The following GRK2 variants were observed in gnomAD, a reference collection of about 807,000 sequenced individuals.
GRK2 encodes adrenergic beta receptor kinase 1.
In GRK2, 23 loss-of-function variants were observed where a neutral mutation model predicts 97.8. The observed-to-expected ratio is 0.24, with a 90% CI of 0.17 to 0.33. The LOEUF is 0.33. Ranked by LOEUF, GRK2 falls within the 10% of genes least tolerant of loss-of-function variation. The pLI, the probability that GRK2 is intolerant of heterozygous loss-of-function variation, is 1.00. For synonymous variants in GRK2, 425 were observed against 381.7 expected (o/e 1.11, Z -1.32); for missense variants, 633 against 956.9 (o/e 0.66, Z 4.47).
rs868080683 is a variant in GRK2 at position 67,282,802 on chromosome 11, G to A, written c.1211G>A (p.Arg404His). ...HKTKDKHEID[R>H]MTLTMAVELP... ...ACCAAAGACAAGCATGAGATCGACCGCATGACGCTGACGATGGTGGGTGCA... is the reference window on the plus strand; with the variant it reads ...ACCAAAGACAAGCATGAGATCGACCACATGACGCTGACGATGGTGGGTGCA... The change falls in exon 14 of 21, where the codon CGC becomes CAC. Residue 404 changes from arginine (R) to histidine (H), a missense_variant. Coordinates refer to ENST00000308595, the MANE Select transcript of GRK2 (RefSeq NM_001619.5). This position sits in a 1 kb window ranked among gnomAD's most constrained non-coding sequence, Gnocchi z 6.9. The A allele has an allele frequency of 5.0e-6, 8 of 1,609,670 alleles. No individual in the cohort carries two copies. Among genetic ancestry groups the A allele is most frequent in the African/African-American group, 2.7e-5 (2 of 74,918 alleles).
At chr11:67,270,656 C>A (rs368039475) in intron 1 of GRK2, among the ~76,000 whole-genome samples, 13 of 152,238 alleles carry the variant, frequency 8.5e-5, no homozygotes, top group African/African-American at 3.1e-4. Flanking sequence ...CTCCCAACTC[C>A]TTTCCCTGCA....
chr11:67,286,060 G>A lies in GRK2; in HGVS notation c.*610G>A. The A allele has an allele frequency of 3.3e-6, 1 of 304,686 alleles. No homozygotes were observed. The allele number at this position is 304,686 out of a possible 1,614,324, so 18.9% of individuals were successfully genotyped here. ...ACTGCGGGGCTTGGCTGAGAGAGTG[G>A]CATTGGCAGCAGGTGCTGCTACCCT... On this transcript the variant is annotated 3_prime_UTR_variant, in exon 21 of 21. Coordinates refer to ENST00000308595, the MANE Select transcript of GRK2 (RefSeq NM_001619.5).
intron 1 of GRK2, among the ~76,000 whole-genome samples, chr11:67,274,009 CTTTTTTTTTT>C (rs1186824487): frequency 7.9e-6 from 1 of 126,762 alleles, no homozygotes; most frequent in African/African-American, 3.0e-5. Flanking sequence ...AAACTGGCAC[CTTTTTTTTTT>C]TTTTTTTTTT....
At chr11:67,277,220 A>G (rs1188340270) in intron 1 of GRK2, 52 bp from the exon 2 acceptor site, 3 of 1,587,624 alleles carry the variant, frequency 1.9e-6, no homozygotes, top group South Asian at 1.1e-5. Context: ...CTGGGCCTGC[A>G]GCCCCCACGG....
In GRK2 at chr11:67,283,837, C is replaced by A; in HGVS notation, c.1396-17C>A. 6.2e-7 allele frequency: 1 copy of A among 1,612,724 alleles called. No individual in the cohort carries two copies. Among genetic ancestry groups the A allele is most frequent in the Non-Finnish European group, 8.5e-7 (1 of 1,179,450 alleles). On this transcript the variant is annotated splice_polypyrimidine_tract_variant and intron_variant, in intron 16 of 20. Coordinates refer to ENST00000308595, the MANE Select transcript of GRK2 (RefSeq NM_001619.5). ...CCCACCCCCGAGCTAATGCCCATGACCCCTGTTCTGCTGCAGTACCCTCCC... is the reference window on the plus strand; with the variant it reads ...CCCACCCCCGAGCTAATGCCCATGAACCCTGTTCTGCTGCAGTACCCTCCC...
At chr11:67,266,889 C>A in intron 1 of GRK2, 77 bp downstream of exon 1, 2 of 636,474 alleles carry the variant, frequency 3.1e-6, no homozygotes, top group Non-Finnish European at 4.3e-6. Context: ...TGGCCCCATG[C>A]TCGACCCCGC....
Position 67,279,709 on chromosome 11 carries a change from C to T in GRK2, c.441+9C>T. On this transcript the variant is annotated intron_variant, in intron 5 of 20. Coordinates refer to ENST00000308595, the MANE Select transcript of GRK2 (RefSeq NM_001619.5). ...CTCCGGATCTCTTCCAGGTGTGTGC[C>T]TCCCGGTCCCTCCCCAGGCAAGGTC... The T allele has an allele frequency of 6.2e-7, 1 of 1,613,680 alleles. No individual in the cohort carries two copies. Among genetic ancestry groups the T allele is most frequent in the Non-Finnish European group, 8.5e-7 (1 of 1,179,976 alleles).
chr11:67,278,626 C>T (rs930112896), intron 2 of GRK2, among the ~76,000 whole-genome samples: 4 of 152,240 alleles, frequency 2.6e-5, no homozygotes, highest in African/African-American at 9.6e-5. Flanking sequence ...TGGACCCACC[C>T]TCCCTGCCTG....
Position 67,282,255 on chromosome 11 carries a change from T to TG in GRK2, c.958-13dup. 1 of 1,612,578 alleles carries TG rather than the reference T, an allele frequency of 6.2e-7. No homozygotes were observed. The highest frequency in any genetic ancestry group is 8.5e-7 in the Non-Finnish European group (1 of 1,179,418). On this transcript the variant is annotated splice_polypyrimidine_tract_variant and intron_variant, in intron 11 of 20. Transcript: ENST00000308595. This position sits in a 1 kb window ranked among gnomAD's most constrained non-coding sequence, Gnocchi z 6.9. ...TCCTGAGCTGCCCCAGGCAGCTCAC[T>TG]GGGCTTCCTTCACAGCCAGCCAACA... is the stretch of plus-strand genomic sequence containing the variant.
Position 67,269,634 on chromosome 11 carries a change from A to G in GRK2, c.113+2822A>G, listed in dbSNP as rs970877560. On this transcript the variant is annotated intron_variant, in intron 1 of 20. Coordinates refer to ENST00000308595, the MANE Select transcript of GRK2 (RefSeq NM_001619.5). This position sits in a 1 kb window ranked among gnomAD's most constrained non-coding sequence, Gnocchi z 4.1. Reference sequence around the variant, plus strand: ...AGCTACTGCACCGAGGGGCAGCCCCACTCCAGGGTCCCGTCAGATGCAGGA... The same window carrying G: ...AGCTACTGCACCGAGGGGCAGCCCCGCTCCAGGGTCCCGTCAGATGCAGGA... Among the ~76,000 whole-genome samples the G allele has an allele frequency of 6.6e-6, 1 of 151,898 alleles. No homozygotes were observed. Among genetic ancestry groups the G allele is most frequent in the Admixed American group, 6.5e-5 (1 of 15,270 alleles).
chr11:67,280,048 C>T, intron 6 of GRK2, 148 bp downstream of exon 6: 2 of 754,220 alleles, frequency 2.7e-6, no homozygotes, highest in Non-Finnish European at 4.5e-6. Flanking sequence ...GCAAGGACTC[C>T]TGAGAAGTCA....
In GRK2 at chr11:67,281,747, C is replaced by T. The variant is rs759448861; in HGVS notation, c.826+19C>T. On this transcript the variant is annotated intron_variant, in intron 10 of 20. Transcript: ENST00000308595. The surrounding 1 kb of genome is among the most constrained non-coding windows in gnomAD (Gnocchi z 5.7). The stretch of plus-strand genomic sequence containing the variant: ...ATGAACGGTGAGTGCTGGCCGGGCC[C>T]TAGGGTGGGCCGGGCCCAGGCACGG... 3.7e-6 allele frequency: 6 copies of T among 1,613,288 alleles called. No individual in the cohort carries two copies. In the South Asian group the frequency reaches 5.5e-5, roughly 15 times the overall value.
Position 67,279,385 on chromosome 11 carries a change from C to T in GRK2, c.265-33C>T, listed in dbSNP as rs1255907348. 7 of 1,611,204 alleles carry T rather than the reference C, an allele frequency of 4.3e-6. No homozygotes were observed. The East Asian group carries it at 1.6e-4, about 36-fold the overall frequency. On this transcript the variant is annotated intron_variant, in intron 3 of 20. Transcript: ENST00000308595. ...GTGGGCATCCCCATTCCCTGCTGGGCTCTAGATGACCTGCAGGAATCCTGT... is the reference window on the plus strand; with the variant it reads ...GTGGGCATCCCCATTCCCTGCTGGGTTCTAGATGACCTGCAGGAATCCTGT...
In GRK2 at chr11:67,285,336, C is replaced by T. The variant is rs200581990; in HGVS notation, c.1956C>T (p.Arg652=). The change falls in exon 21 of 21, where the codon CGC becomes CGT. Residue 652 remains arginine (R), a synonymous_variant. Coordinates refer to ENST00000308595, the MANE Select transcript of GRK2 (RefSeq NM_001619.5). ...QWKKELRDAY[R]EAQQLVQRVP... ...AGAAGGAGCTGCGCGACGCCTACCGCGAGGCCCAGCAGCTGGTGCAGCGGG... is the reference window on the plus strand; with the variant it reads ...AGAAGGAGCTGCGCGACGCCTACCGTGAGGCCCAGCAGCTGGTGCAGCGGG... The T allele has an allele frequency of 2.5e-5, 40 of 1,610,080 alleles. No homozygotes were observed. The highest frequency in any genetic ancestry group is 4.0e-5 in the African/African-American group (3 of 74,924).
rs187857597 is a variant in GRK2, at chr11:67,281,987, G to A, written c.957+35G>A. 8.8e-5 allele frequency: 142 copies of A among 1,611,862 alleles called. No individual in the cohort carries two copies. The African/African-American group carries it at 1.5e-3, about 17-fold the overall frequency. ...CCTGCTGTCCCCAGGCTGGACCTCCGTGGCTGTCCTCTCCTTCCTCTCGAC... is the reference window on the plus strand; with the variant it reads ...CCTGCTGTCCCCAGGCTGGACCTCCATGGCTGTCCTCTCCTTCCTCTCGAC... On this transcript the variant is annotated intron_variant, in intron 11 of 20. Coordinates refer to ENST00000308595, the MANE Select transcript of GRK2 (RefSeq NM_001619.5). This position sits in a 1 kb window ranked among gnomAD's most constrained non-coding sequence, Gnocchi z 5.7.
In GRK2 at chr11:67,276,353, T is replaced by C. The variant is rs1251958102; in HGVS notation, c.114-919T>C. Among the ~76,000 whole-genome samples, 2 of 151,656 alleles carry C rather than the reference T, an allele frequency of 1.3e-5. No individual in the cohort carries two copies. The highest frequency in any genetic ancestry group is 2.9e-5 in the Non-Finnish European group (2 of 67,886). On this transcript the variant is annotated intron_variant, in intron 1 of 20. Coordinates refer to ENST00000308595, the MANE Select transcript of GRK2 (RefSeq NM_001619.5). This position sits in a 1 kb window ranked among gnomAD's most constrained non-coding sequence, Gnocchi z 4.2. The stretch of plus-strand genomic sequence containing the variant: ...GCCAGGAGAGGGCAGGAGGGGACAG[T>C]AAGGTGGTATTTGAGGCCGGGAGTG...
chr11:67,285,429 C>T lies in GRK2; in HGVS notation c.2049C>T (p.Arg683=), dbSNP rs140300429. Residue 683 remains arginine, a synonymous_variant, in exon 21 of 21, where the codon CGC becomes CGT. Transcript: ENST00000308595. ...TGAGCAAGGTGCCGCTGGTCCAGCG[C>T]GGCAGTGCCAACGGCCTCTGACCCG... The part of the protein sequence containing the change: ...VELSKVPLVQ[R]GSANGL The T allele has an allele frequency of 4.9e-5, 77 of 1,582,042 alleles. No individual in the cohort carries two copies. In the African/African-American group the frequency reaches 7.7e-4, roughly 16 times the overall value.
Position 67,281,254 on chromosome 11 carries a change from G to T in GRK2, c.647+70G>T, listed in dbSNP as rs918835960. 4.2e-6 allele frequency: 6 copies of T among 1,412,902 alleles called. No individual in the cohort carries two copies. The highest frequency in any genetic ancestry group is 5.9e-6 in the Non-Finnish European group (6 of 1,012,010). The allele number at this position is 1,412,902 out of a possible 1,614,324, so 87.5% of individuals were successfully genotyped here. Reference sequence around the variant, plus strand: ...CTCCTGGGGGACCCTGACAGGCCGGGTTCCACACAGGGCCACCTGCTGCTC... The same window carrying T: ...CTCCTGGGGGACCCTGACAGGCCGGTTTCCACACAGGGCCACCTGCTGCTC... On this transcript the variant is annotated intron_variant, in intron 8 of 20. Coordinates refer to ENST00000308595, the MANE Select transcript of GRK2 (RefSeq NM_001619.5). This position sits in a 1 kb window ranked among gnomAD's most constrained non-coding sequence, Gnocchi z 5.7.
Position 67,286,497 on chromosome 11 carries a change from G to T in GRK2, c.*1047G>T. Reference sequence around the variant, plus strand: ...CCGGGGCGTTTCTTTGCCGATTTTTGAATGTGATTTTAAAGAGTGAAAAAT... The same window carrying T: ...CCGGGGCGTTTCTTTGCCGATTTTTTAATGTGATTTTAAAGAGTGAAAAAT... On this transcript the variant is annotated 3_prime_UTR_variant, in exon 21 of 21. Coordinates refer to ENST00000308595, the MANE Select transcript of GRK2 (RefSeq NM_001619.5). 1.4e-6 allele frequency: 1 copy of T among 700,440 alleles called. No individual in the cohort carries two copies. Among genetic ancestry groups the T allele is most frequent in the South Asian group, 1.5e-5 (1 of 67,508 alleles). The allele number at this position is 700,440 out of a possible 1,614,324, so 43.4% of individuals were successfully genotyped here.
Sources: allele counts gnomAD v4.1 joint callset (sites outside exome capture counted in the v4.1 genomes callset), GRCh38; gene constraint gnomAD v4.1.1; non-coding constraint Gnocchi (gnomAD v3.1); transcripts MANE v1.5; gene names NCBI Gene and HGNC (gene_info 2026-07-23, HGNC 2026-07-21).